The following MAMLD1 variants were observed in gnomAD, a reference collection of about 807,000 sequenced individuals.
MAMLD1 encodes mastermind like domain containing 1.
MAMLD1 carries 14 observed loss-of-function variants against 45.0 expected under a neutral mutation model. The observed-to-expected ratio is 0.31, with a 90% confidence interval of 0.21 to 0.49. MAMLD1 has a LOEUF of 0.49. MAMLD1 is among the 20% of genes least tolerant of loss of function. MAMLD1 has a pLI of 0.99. For synonymous variants in MAMLD1, 254 were observed against 247.8 expected, an observed-to-expected ratio of 1.02 and a Z score of -0.24; for missense variants, 543 against 603.6, an observed-to-expected ratio of 0.90 and a Z score of 1.05.
chrX:150,375,473 G>A (rs1379219501), intron 1 of MAMLD1, among the ~76,000 whole-genome samples: 3 of 112,581 alleles, frequency 2.7e-5, no homozygotes, highest in African/African-American at 9.7e-5. Context: ...CCAAAGTGGA[G>A]GCTGCCACGC....
intron 1 of MAMLD1, among the ~76,000 whole-genome samples, chrX:150,407,033 T>G (rs1161827456): frequency 2.7e-5 from 3 of 111,157 alleles, no homozygotes; most frequent in Non-Finnish European, 5.7e-5. Context: ...CCATAAAAAG[T>G]TTCATTATAC....
chrX:150,371,358 A>G (rs2031971892), intron 1 of MAMLD1, among the ~76,000 whole-genome samples: 1 of 111,260 alleles, frequency 9.0e-6, no homozygotes. Context: ...ATCTTGTTGG[A>G]AGAGGGCCTA....
chrX:150,429,927 G>A (rs1386500911), intron 1 of MAMLD1, among the ~76,000 whole-genome samples: 1 of 108,971 alleles, frequency 9.2e-6, no homozygotes, highest in East Asian at 2.9e-4. Flanking sequence ...GTCTTTGCAT[G>A]TGTTTACTTG....
At chrX:150,365,722 C>T (rs141472429) in intron 1 of MAMLD1, among the ~76,000 whole-genome samples, 1,698 of 112,304 alleles carry the variant, frequency 0.015, 17 homozygotes, top group East Asian at 0.084. Flanking sequence ...ACTCTCCGAG[C>T]GCCCTTTGTT....
chrX:150,397,684 T>C (rs2033476450), intron 1 of MAMLD1, among the ~76,000 whole-genome samples: 1 of 111,343 alleles, frequency 9.0e-6, no homozygotes, highest in Non-Finnish European at 1.9e-5. Context: ...TGTTCTTCCC[T>C]GATCACTCCA....
chrX:150,387,379 T>G (rs1481993444), intron 1 of MAMLD1, among the ~76,000 whole-genome samples: 6 of 112,219 alleles, frequency 5.3e-5, no homozygotes, highest in African/African-American at 1.9e-4. Flanking sequence ...TAAAAAGCAG[T>G]AAGAAAGCCA....
chrX:150,508,441 T>G (rs2037800360), intron 6 of MAMLD1, among the ~76,000 whole-genome samples: 1 of 101,682 alleles, frequency 9.8e-6, no homozygotes, highest in African/African-American at 3.6e-5. Flanking sequence ...AGCCCCTCAC[T>G]GCCCACACGG....
At chrX:150,437,000 G>C (rs2035143085) in intron 1 of MAMLD1, among the ~76,000 whole-genome samples, 2 of 110,813 alleles carry the variant, frequency 1.8e-5, no homozygotes, top group African/African-American at 6.6e-5. Flanking sequence ...GCAAAGCTCA[G>C]CTCAGGACTT....
intron 2 of MAMLD1, among the ~76,000 whole-genome samples, chrX:150,449,678 G>A (rs2035601137): frequency 9.0e-6 from 1 of 111,391 alleles, no homozygotes; most frequent in Non-Finnish European, 1.9e-5. Flanking sequence ...ATGGGTATGA[G>A]CTCTAAGGGC....
rs1557406519 is a variant in MAMLD1 at position 150,471,308 on chromosome X, A to G, written c.1735A>G (p.Thr579Ala). 6 of 1,207,736 alleles carry G rather than the reference A, an allele frequency of 5.0e-6. No individual in the cohort carries two copies. Among genetic ancestry groups the G allele is most frequent in the Admixed American group, 4.4e-5 (2 of 45,541 alleles). ...LLHYLQQPTP[T>A]QASSATASST... ...CCACTACCTGCAGCAGCCGACACCA[A>G]CGCAGGCCTCCTCAGCCACTGCCTC... Residue 579 changes from threonine (T) to alanine (A), a missense_variant, in exon 4 of 8, where the codon ACG (threonine) becomes GCG (alanine). Transcript: ENST00000370401.
At chrX:150,475,975 G>A (rs1356112125) in intron 5 of MAMLD1, among the ~76,000 whole-genome samples, 3 of 112,130 alleles carry the variant, frequency 2.7e-5, no homozygotes, top group Non-Finnish European at 5.6e-5. Flanking sequence ...GTAATCTGAA[G>A]CAGTGTTTCA....
intron 1 of MAMLD1, among the ~76,000 whole-genome samples, chrX:150,392,967 A>G (rs1310164803): frequency 1.8e-5 from 2 of 110,568 alleles, no homozygotes; most frequent in Non-Finnish European, 3.8e-5. Context: ...ATTGTCACCC[A>G]AAGTCCATAG....
intron 2 of MAMLD1, among the ~76,000 whole-genome samples, chrX:150,455,801 T>A (rs1557405316): frequency 9.5e-6 from 1 of 105,293 alleles, no homozygotes; most frequent in African/African-American, 3.5e-5. Flanking sequence ...TTTTGTATAA[T>A]CAGATTATCC....
intron 1 of MAMLD1, among the ~76,000 whole-genome samples, chrX:150,381,584 T>A (rs1557401674): frequency 8.9e-6 from 1 of 112,400 alleles, no homozygotes; most frequent in African/African-American, 3.2e-5. Flanking sequence ...CTGTTCTCCA[T>A]TCCTATAGTT....
intron 1 of MAMLD1, among the ~76,000 whole-genome samples, chrX:150,427,655 G>C (rs936837146): frequency 2.7e-5 from 3 of 111,618 alleles, no homozygotes; most frequent in Admixed American, 1.9e-4. Context: ...AACTTACCTG[G>C]AGTCACTAAG....
intron 1 of MAMLD1, among the ~76,000 whole-genome samples, chrX:150,433,820 T>C (rs1333010958): frequency 8.9e-6 from 1 of 112,104 alleles, no homozygotes; most frequent in Non-Finnish European, 1.9e-5. Context: ...TAGTATTTTG[T>C]TGAAGATTTT....
intron 1 of MAMLD1, among the ~76,000 whole-genome samples, chrX:150,399,597 A>T (rs1395830359): frequency 8.9e-6 from 1 of 111,747 alleles, no homozygotes; most frequent in Non-Finnish European, 1.9e-5. Context: ...ACACAGAGAC[A>T]TACAGGGAAG....
chrX:150,445,636 A>T, intron 2 of MAMLD1, 24 bp downstream of exon 2: 1 of 1,068,669 alleles, frequency 9.4e-7, no homozygotes, highest in South Asian at 1.9e-5. Flanking sequence ...CCATGGGGGG[A>T]GGGGGGTATT....
intron 3 of MAMLD1, among the ~76,000 whole-genome samples, chrX:150,465,264 T>A (rs1171991362): frequency 1.8e-5 from 2 of 112,328 alleles, no homozygotes; most frequent in Non-Finnish European, 3.8e-5. Context: ...ATTCGTATAA[T>A]CTCTACCTTC....
Sources: allele counts gnomAD v4.1 joint callset (sites outside exome capture counted in the v4.1 genomes callset), GRCh38; gene constraint gnomAD v4.1.1; transcripts MANE v1.5; gene names NCBI Gene and HGNC (gene_info 2026-07-23, HGNC 2026-07-21).